The following C6orf132 variants were observed in gnomAD, a reference collection of about 807,000 sequenced individuals.
The protein encoded by C6orf132 is chromosome 6 open reading frame 132, also known as uncharacterized protein C6orf132.
A neutral mutation model predicts 65.3 loss-of-function variants in C6orf132; 43 were observed. The ratio of observed to expected loss-of-function variants is 0.66; its 90% CI spans 0.52 to 0.85. The LOEUF is 0.85. Ranked by LOEUF, C6orf132 falls within the 40% of genes least tolerant of loss-of-function variation. C6orf132 has a pLI of 0.00. For missense variants in C6orf132, 1,488 were observed against 1,548.8 expected (o/e 0.96, Z 0.66); for synonymous variants, 631 against 654.1 (o/e 0.96, Z 0.54).
chr6:42,139,848 A>G (rs1446155658), intron 1 of C6orf132, among the ~76,000 whole-genome samples: 1 of 152,232 alleles, frequency 6.6e-6, no homozygotes, highest in Non-Finnish European at 1.5e-5. Flanking sequence ...AAGCACTACC[A>G]TAAATACCGC....
chr6:42,103,662 G>T lies in C6orf132; in HGVS notation c.*99C>A. 1 of 670,802 alleles carries T rather than the reference G, an allele frequency of 1.5e-6. No homozygotes were observed. The highest frequency in any genetic ancestry group is 2.2e-6 in the Non-Finnish European group (1 of 461,214). The allele number at this position is 670,802 out of a possible 1,614,324, so 41.6% of individuals were successfully genotyped here. A position where few individuals can be genotyped will look rare whatever the true frequency, so the allele number is the denominator to read the frequency against. On this transcript the variant is annotated 3_prime_UTR_variant, in exon 5 of 5. Transcript: ENST00000341865. ...GACTCCTCTGTGTCTGAGTCAGGTC[G>T]CCCAACACCTGCTGTGTACCTCCCA... is the stretch of plus-strand genomic sequence containing the variant.
chr6:42,128,769 T>C lies in C6orf132; in HGVS notation c.155A>G (p.Tyr52Cys), dbSNP rs998127189. The C allele has an allele frequency of 6.4e-7, 1 of 1,550,792 alleles. No homozygotes were observed. The highest frequency in any genetic ancestry group is 8.7e-7 in the Non-Finnish European group (1 of 1,146,404). Residue 52 changes from tyrosine (Y) to cysteine (C), a missense_variant, in exon 2 of 5, where the codon TAT (tyrosine) becomes TGT (cysteine). Coordinates refer to ENST00000341865, the MANE Select transcript of C6orf132 (RefSeq NM_001164446.3). Reference protein sequence around the residue: ...EEGTGGFDGIYYGDNRFNTVS... With the variant: ...EEGTGGFDGICYGDNRFNTVS... ...TGTGTTAAACCGATTGTCTCCATAA[T>C]AGATGCCATCTAGAGAACACAAGTG...
At position 42,105,803 on chromosome 6, in the gene C6orf132, G is replaced by A. The variant is rs1035740198; in HGVS notation, c.2109C>T (p.Ser703=). ...STATTLPTTT[S]QLMAEKDSGP... ...CTGAGTCCTTCTCTGCCATCAGTTG[G>A]GATGTGGTGGTGGGCAGAGTTGTGG... The change falls in exon 4 of 5, where the codon TCC becomes TCT. Residue 703 remains serine, a synonymous_variant. Coordinates refer to ENST00000341865, the MANE Select transcript of C6orf132 (RefSeq NM_001164446.3). 1.6e-5 allele frequency: 24 copies of A among 1,537,216 alleles called. No individual in the cohort carries two copies. The highest frequency in any genetic ancestry group is 2.0e-5 in the Admixed American group (1 of 50,986).
At position 42,105,920 on chromosome 6, in the gene C6orf132, C is replaced by G. The variant is rs1395093441; in HGVS notation, c.1992G>C (p.Lys664Asn). 1 of 1,537,066 alleles carries G rather than the reference C, an allele frequency of 6.5e-7. No homozygotes were observed. Among genetic ancestry groups the G allele is most frequent in the East Asian group, 2.4e-5 (1 of 40,890 alleles). ...KATLWPATPP[K>N]ATLGPATPLK... The stretch of plus-strand genomic sequence containing the variant: ...GTGGTGTGGCTGGCCCAAGTGTGGC[C>G]TTGGGTGGTGTGGCTGGCCAAAGTG... The change falls in exon 4 of 5, where the codon AAG becomes AAC. Residue 664 changes from lysine (K) to asparagine (N), a missense_variant. Lys to Asn is a moderately conservative substitution (Grantham distance 94). Transcript: ENST00000341865.
In C6orf132 at chr6:42,106,344, G is replaced by A; in HGVS notation, c.1568C>T (p.Thr523Ile). 1 of 1,536,638 alleles carries A rather than the reference G, an allele frequency of 6.5e-7. No homozygotes were observed. The highest frequency in any genetic ancestry group is 8.7e-7 in the Non-Finnish European group (1 of 1,146,852). ...ACTCTTTTCAGGAACACCTGGGGGA[G>A]TGTCCTTTGCTGGCAGGCTCAGGAG... Reference protein sequence around the residue: ...ETLLSLPAKDTPPGVPEKSLG... With the variant: ...ETLLSLPAKDIPPGVPEKSLG... Residue 523 changes from threonine (T) to isoleucine (I), a missense_variant, in exon 4 of 5, where the codon ACT (threonine) becomes ATT (isoleucine). Thr to Ile is a moderately conservative substitution (Grantham distance 89, BLOSUM62 -1). Transcript: ENST00000341865.
In C6orf132 at chr6:42,142,394, C is replaced by T. The variant is rs181656698; in HGVS notation, c.51G>A (p.Lys17=). The T allele has an allele frequency of 4.5e-4, 705 of 1,551,538 alleles. No homozygotes were observed. The highest frequency in any genetic ancestry group is 5.7e-4 in the Non-Finnish European group (651 of 1,146,894). ...AGGTGCTGGGGGTCGTGGTGTGCTT[C>T]TTCCCGAAGAGTTTGCTGAAGGTGC... The part of the protein sequence containing the change: ...VQGTFSKLFG[K]KHTTTPSTSL... Residue 17 remains lysine, a synonymous_variant, in exon 1 of 5, where the codon AAG becomes AAA. Coordinates refer to ENST00000341865, the MANE Select transcript of C6orf132 (RefSeq NM_001164446.3).
chr6:42,115,632 C>T (rs1396032116), intron 2 of C6orf132, among the ~76,000 whole-genome samples: 5 of 151,842 alleles, frequency 3.3e-5, no homozygotes, highest in Non-Finnish European at 7.4e-5. Context: ...GGCGACAGAG[C>T]GAGACTCCGT....
rs569691894 is a variant in C6orf132, at chr6:42,104,060, G to A, written c.3450-182C>T. 6.6e-6 allele frequency among the ~76,000 whole-genome samples: 1 copy of A among 152,320 alleles called. No individual in the cohort carries two copies. The highest frequency in any genetic ancestry group is 6.5e-5 in the Admixed American group (1 of 15,310). On this transcript the variant is annotated intron_variant, in intron 4 of 4. Coordinates refer to ENST00000341865, the MANE Select transcript of C6orf132 (RefSeq NM_001164446.3). The surrounding 1 kb of genome is among the most constrained non-coding windows in gnomAD (Gnocchi z 4.1). The stretch of plus-strand genomic sequence containing the variant: ...CATCACAAACAGGGCTCCCATTCTG[G>A]TCTGGGCCCTGCTGGCCGGAGAACA...
chr6:42,134,774 CAA>C (rs34668328), intron 1 of C6orf132, among the ~76,000 whole-genome samples: 17 of 83,564 alleles, frequency 2.0e-4, no homozygotes, highest in Middle Eastern at 6.9e-3. Context: ...AACTCCATCT[CAA>C]AAAAAAAAAA....
At chr6:42,136,564 G>T (rs1766945934) in intron 1 of C6orf132, among the ~76,000 whole-genome samples, 2 of 152,228 alleles carry the variant, frequency 1.3e-5, no homozygotes, top group Admixed American at 6.5e-5. Context: ...GCTGGACAGT[G>T]AAGTATGAAG....
chr6:42,106,475 A>C lies in C6orf132; in HGVS notation c.1437T>G (p.Cys479Trp), dbSNP rs537283277. ...KLRNELAAYLCGSRREDRFLS... is the reference protein window; with the variant it reads ...KLRNELAAYLWGSRREDRFLS... ...GGAATCGGTCCTCTCTCCTGGAGCC[A>C]CAGAGATAGGCTGCCAGCTCGTTCC... The change falls in exon 4 of 5, where the codon TGT becomes TGG. Residue 479 changes from cysteine (C) to tryptophan (W), a missense_variant. Transcript: ENST00000341865. 2.7e-5 allele frequency: 41 copies of C among 1,536,376 alleles called. No homozygotes were observed. In the African/African-American group the frequency reaches 4.5e-4, roughly 17 times the overall value.
chr6:42,137,806 G>A (rs575983446), intron 1 of C6orf132, among the ~76,000 whole-genome samples: 12 of 142,620 alleles, frequency 8.4e-5, no homozygotes, highest in East Asian at 6.1e-4. Context: ...TTGGGAGGCC[G>A]AGGCAGGGGC....
chr6:42,134,011 A>T (rs6939993), intron 1 of C6orf132, among the ~76,000 whole-genome samples: 2 of 151,904 alleles, frequency 1.3e-5, no homozygotes, highest in African/African-American at 4.8e-5. Flanking sequence ...CTTCTCCCTC[A>T]GGAGAACCTG....
Position 42,142,614 on chromosome 6 carries a change from G to T in C6orf132, c.-170C>A, listed in dbSNP as rs985376971. The T allele has an allele frequency of 5.3e-4, 315 of 599,196 alleles. No individual in the cohort carries two copies. Among genetic ancestry groups the T allele is most frequent in the Non-Finnish European group, 6.7e-4 (259 of 388,482 alleles). The allele number at this position is 599,196 out of a possible 1,614,324, so 37.1% of individuals were successfully genotyped here. A position where few individuals can be genotyped will look rare whatever the true frequency, so the allele number is the denominator to read the frequency against. ...GGTGCTGCGGGCGCCGCCGCTTGCC[G>T]GGAAATGCGAGCTACCTGGCCAGGT... On this transcript the variant is annotated 5_prime_UTR_variant, in exon 1 of 5. Coordinates refer to ENST00000341865, the MANE Select transcript of C6orf132 (RefSeq NM_001164446.3).
At chr6:42,113,949 C>T (rs1359708455) in intron 2 of C6orf132, among the ~76,000 whole-genome samples, 3 of 152,152 alleles carry the variant, frequency 2.0e-5, no homozygotes, top group Non-Finnish European at 4.4e-5. Context: ...AGGATTATAT[C>T]TTGTAATCCT....
rs1033714810 is a variant in C6orf132 at position 42,124,008 on chromosome 6, C to A, written c.252+4664G>T. On this transcript the variant is annotated intron_variant, in intron 2 of 4. Transcript: ENST00000341865. This position sits in a 1 kb window ranked among gnomAD's most constrained non-coding sequence, Gnocchi z 4.0. ...GCTTCTCCGGTGGCCCTCCAGGGAG[C>A]TGACCACACCATCTACCCTTCCGTT... 3.3e-5 allele frequency among the ~76,000 whole-genome samples: 5 copies of A among 152,204 alleles called. No individual in the cohort carries two copies. Among genetic ancestry groups the A allele is most frequent in the African/African-American group, 9.6e-5 (4 of 41,456 alleles).
chr6:42,119,115 C>T (rs1272753861), intron 2 of C6orf132, among the ~76,000 whole-genome samples: 4 of 146,734 alleles, frequency 2.7e-5, no homozygotes, highest in African/African-American at 1.0e-4. Context: ...GTGGGGCAGG[C>T]GCCTGTAATC....
At chr6:42,137,517 G>A (rs984443804) in intron 1 of C6orf132, among the ~76,000 whole-genome samples, 34 of 152,062 alleles carry the variant, frequency 2.2e-4, no homozygotes, top group African/African-American at 8.0e-4. Context: ...CAAAGGGTCA[G>A]GAGACCCAGG....
chr6:42,114,439 C>T (rs1479854561), intron 2 of C6orf132, among the ~76,000 whole-genome samples: 3 of 145,418 alleles, frequency 2.1e-5, no homozygotes, highest in Non-Finnish European at 4.5e-5. Context: ...CATGGGCCCA[C>T]ATGGGCTCCT....
Sources: allele counts gnomAD v4.1 joint callset (sites outside exome capture counted in the v4.1 genomes callset), GRCh38; gene constraint gnomAD v4.1.1; non-coding constraint Gnocchi (gnomAD v3.1); transcripts MANE v1.5; gene names NCBI Gene and HGNC (gene_info 2026-07-23, HGNC 2026-07-21).